SPAG1: variants seen among roughly 807,000 people sequenced by gnomAD.
SPAG1 encodes the protein sperm-associated antigen 1.
A neutral mutation model predicts 100.5 loss-of-function variants in SPAG1; 69 were observed. The ratio of observed to expected loss-of-function variants is 0.69; its 90% CI spans 0.57 to 0.84. The LOEUF (loss-of-function observed/expected upper bound fraction) is 0.84. Among genes scored for constraint, SPAG1 ranks in the 40% least tolerant of loss-of-function variants. The probability of loss-of-function intolerance (pLI) is 0.00; values close to 1 mark genes in which losing one functional copy is unlikely to be tolerated. For missense variants in SPAG1, 955 were observed against 1,133.1 expected, an observed-to-expected ratio of 0.84 and a Z score of 2.26; for synonymous variants, 336 against 411.6, an observed-to-expected ratio of 0.82 and a Z score of 2.22.
intron 16 of SPAG1, among the ~76,000 whole-genome samples, chr8:100,236,203 C>CT (rs1179645189): frequency 3.3e-5 from 5 of 152,114 alleles, no homozygotes; most frequent in African/African-American, 1.2e-4. Flanking sequence ...AAAATAATCC[C>CT]AAATTTGAGT....
At position 100,184,027 on chromosome 8, in the gene SPAG1, A is replaced by C. The variant is rs140986857; in HGVS notation, c.560A>C (p.His187Pro). 21 of 1,532,088 alleles carry C rather than the reference A, an allele frequency of 1.4e-5. No homozygotes were observed. The African/African-American group carries it at 2.1e-4, about 16-fold the overall frequency. 94.9% of individuals were successfully genotyped at this position (1,532,088 alleles called of 1,614,324 possible). The change falls in exon 6 of 19, where the codon CAC becomes CCC. Residue 187 changes from histidine to proline, a missense_variant. Transcript: ENST00000388798. Reference sequence around the variant, plus strand: ...GAAAAGACGGTAATAGACAAGTCACACTTGTCTAAAATTGAGACAAGAATA... The same window carrying C: ...GAAAAGACGGTAATAGACAAGTCACCCTTGTCTAAAATTGAGACAAGAATA... ...YKEKTVIDKS[H>P]LSKIETRIDT... is the part of the protein sequence containing the mutation.
At chr8:100,213,550 C>A in intron 11 of SPAG1, 122 bp downstream of exon 11, 1 of 827,294 alleles carries the variant, frequency 1.2e-6, no homozygotes, top group Non-Finnish European at 1.7e-6. Context: ...TCGCTGCATT[C>A]CTCCCAGGTG....
intron 12 of SPAG1, among the ~76,000 whole-genome samples, chr8:100,217,457 G>A (rs1164699426): frequency 6.6e-6 from 1 of 152,064 alleles, no homozygotes; most frequent in Non-Finnish European, 1.5e-5. Context: ...GGAGTGCAGA[G>A]TTGGGGTTGG....
chr8:100,226,605 G>C (rs1420147552), intron 14 of SPAG1, among the ~76,000 whole-genome samples: 3 of 152,050 alleles, frequency 2.0e-5, no homozygotes, highest in Non-Finnish European at 4.4e-5. Flanking sequence ...TTGGGAGGCT[G>C]AGGTGGGAGG....
intron 10 of SPAG1, among the ~76,000 whole-genome samples, chr8:100,204,909 CA>C (rs973024156): frequency 6.6e-6 from 1 of 152,120 alleles, no homozygotes; most frequent in Non-Finnish European, 1.5e-5. Context: ...ACTCAACCAT[CA>C]AAAGCAAGGT....
intron 8 of SPAG1, among the ~76,000 whole-genome samples, chr8:100,190,256 T>C (rs1322263098): frequency 6.7e-6 from 1 of 148,358 alleles, no homozygotes; most frequent in African/African-American, 2.5e-5. Flanking sequence ...GAGGTTGCAG[T>C]GAGCCGAGAT....
intron 14 of SPAG1, among the ~76,000 whole-genome samples, chr8:100,229,607 A>C (rs1818675842): frequency 1.3e-5 from 2 of 152,210 alleles, no homozygotes; most frequent in South Asian, 4.1e-4. Flanking sequence ...GGTTTTGATC[A>C]GTGAGGTCAG....
intron 9 of SPAG1, among the ~76,000 whole-genome samples, chr8:100,192,350 C>A (rs1311978339): frequency 6.6e-6 from 1 of 152,172 alleles, no homozygotes; most frequent in African/African-American, 2.4e-5. Context: ...AAACCTGCTT[C>A]TTTTATGATG....
intron 7 of SPAG1, among the ~76,000 whole-genome samples, 196 bp from the exon 8 acceptor site, chr8:100,186,924 T>C (rs534964524): frequency 1.3e-5 from 2 of 152,312 alleles, no homozygotes; most frequent in Admixed American, 6.5e-5. Context: ...TTAATTAGCT[T>C]TTTAAAGACC....
chr8:100,168,965 G>A (rs533937724), intron 3 of SPAG1, among the ~76,000 whole-genome samples: 5 of 152,002 alleles, frequency 3.3e-5, no homozygotes, highest in African/African-American at 1.2e-4. Context: ...GGGATTACAG[G>A]TGTGAGCCAC....
At chr8:100,184,527 TGC>T in intron 6 of SPAG1, 99 bp from the exon 7 acceptor site, 1 of 555,424 alleles carries the variant, frequency 1.8e-6, no homozygotes, top group South Asian at 3.1e-5. Flanking sequence ...ATGATCTTTC[TGC>T]TTTCTTCTGC....
Position 100,213,419 on chromosome 8 carries a change from G to GAGCC in SPAG1, c.1430_1433dup (p.Gly479SerfsTer4). 7.0e-7 allele frequency: 1 copy of GAGCC among 1,419,312 alleles called. No homozygotes were observed. Among genetic ancestry groups the GAGCC allele is most frequent in the South Asian group, 1.5e-5 (1 of 67,806 alleles). 87.9% of individuals were successfully genotyped at this position (1,419,312 alleles called of 1,614,324 possible). On this transcript the variant is annotated frameshift_variant, in exon 11 of 19. Coordinates refer to ENST00000388798, the MANE Select transcript of SPAG1 (RefSeq NM_003114.5). LOFTEE classifies it high-confidence loss of function. ...GTACTCGGCGGCAATCGCGCTCCTG[G>GAGCC]AGCCAGCAGGTAGGTGCGCCGCGCC...
At chr8:100,209,410 G>C (rs1397211750) in intron 10 of SPAG1, among the ~76,000 whole-genome samples, 4 of 147,092 alleles carry the variant, frequency 2.7e-5, no homozygotes, top group East Asian at 2.0e-4. Context: ...TATATCATTA[G>C]AGTGAGACCC....
At chr8:100,193,030 G>T (rs1816879762) in intron 9 of SPAG1, among the ~76,000 whole-genome samples, 1 of 152,142 alleles carries the variant, frequency 6.6e-6, no homozygotes, top group Non-Finnish European at 1.5e-5. Flanking sequence ...AAACATAGGA[G>T]AAAATCTTTA....
chr8:100,168,698 TG>T (rs869272326), intron 3 of SPAG1, among the ~76,000 whole-genome samples: 2,170 of 135,906 alleles, frequency 0.016, 322 homozygotes, highest in African/African-American at 0.058. Flanking sequence ...TTTTTTTTTT[TG>T]TTGTTGAGAC....
In SPAG1 at chr8:100,229,445, C is replaced by A. The variant is rs963370272; in HGVS notation, c.1856-1711C>A. ...TCTCAAAAAACAAAACAAAACAAAACAAAAAAAAACAAAAGAATGAGGAAG... is the reference window on the plus strand; with the variant it reads ...TCTCAAAAAACAAAACAAAACAAAAAAAAAAAAAACAAAAGAATGAGGAAG... On this transcript the variant is annotated intron_variant, in intron 14 of 18. Transcript: ENST00000388798. Among the ~76,000 whole-genome samples, 10 of 150,842 alleles carry A rather than the reference C, an allele frequency of 6.6e-5. No homozygotes were observed. In the East Asian group the frequency reaches 7.8e-4, roughly 12 times the overall value.
Position 100,218,867 on chromosome 8 carries a change from G to T in SPAG1, c.1536-1412G>T, listed in dbSNP as rs145642776. On this transcript the variant is annotated intron_variant, in intron 12 of 18. Transcript: ENST00000388798. ...TGACTCAAGAGTTCCTTCATTTGCA[G>T]TGTTTGTATGTGTACTGCGGTAGGC... is the stretch of plus-strand genomic sequence containing the variant. 5.2e-3 allele frequency among the ~76,000 whole-genome samples: 786 copies of T among 152,314 alleles called. 6 individuals are homozygous for T. The highest frequency in any genetic ancestry group is 0.018 in the African/African-American group (751 of 41,558).
chr8:100,165,686 G>C, intron 2 of SPAG1, 128 bp from the exon 3 acceptor site: 1 of 636,800 alleles, frequency 1.6e-6, no homozygotes, highest in East Asian at 2.8e-5. Context: ...GTTAAGGAAA[G>C]AGACTGGGAA....
chr8:100,233,948 G>A (rs1438934438), intron 16 of SPAG1, among the ~76,000 whole-genome samples: 1 of 152,220 alleles, frequency 6.6e-6, no homozygotes, highest in Non-Finnish European at 1.5e-5. Flanking sequence ...GCGGAAGTTG[G>A]GAGAGACACA....
Sources: allele counts gnomAD v4.1 joint callset (sites outside exome capture counted in the v4.1 genomes callset), GRCh38; gene constraint gnomAD v4.1.1; transcripts MANE v1.5; gene names NCBI Gene and HGNC (gene_info 2026-07-23, HGNC 2026-07-21).